Variants in CHAT observed in about 807,000 individuals in gnomAD.
The protein encoded by CHAT is choline O-acetyltransferase, also known as acetyl CoA:choline O-acetyltransferase.
In CHAT, 61 loss-of-function variants were observed where a neutral mutation model predicts 76.9. That is an observed-to-expected ratio of 0.79 (90% CI 0.65 to 0.98). CHAT has a LOEUF of 0.98. Among genes scored for constraint, CHAT ranks in the 50% least tolerant of loss-of-function variants. The pLI is 0.00. For missense variants in CHAT, 946 were observed against 986.9 expected (o/e 0.96, Z 0.56); for synonymous variants, 407 against 397.4 (o/e 1.02, Z -0.29).
At position 49,646,422 on chromosome 10, in the gene CHAT, G is replaced by T. The variant is rs7912483; in HGVS notation, c.1112-83G>T. The T allele has an allele frequency of 7.4e-3, 11,352 of 1,540,106 alleles. 539 individuals carry two copies. The African/African-American group carries it at 0.12, about 16-fold the overall frequency. On this transcript the variant is annotated intron_variant, in intron 7 of 14. Transcript: ENST00000337653. ...TGTTGTGATCCCAGAAGACAGGGCT[G>T]CCCTGCCCTGTGTGGGGCTCTGAGG...
At chr10:49,614,735 TCTG>T (rs940601084) in intron 1 of CHAT, among the ~76,000 whole-genome samples, 5 of 152,208 alleles carry the variant, frequency 3.3e-5, no homozygotes, top group African/African-American at 1.2e-4. Context: ...TGGCCCAGCA[TCTG>T]CTAAGTGACC....
chr10:49,646,492 G>A lies in CHAT; in HGVS notation c.1112-13G>A. On this transcript the variant is annotated splice_polypyrimidine_tract_variant and intron_variant, in intron 7 of 14. Coordinates refer to ENST00000337653, the MANE Select transcript of CHAT (RefSeq NM_020549.5). Reference sequence around the variant, plus strand: ...CGGGACAGGTGCTAGGGCTGTGCCTGCCTCCCCTGCAGACTCCACCAACCG... The same window carrying A: ...CGGGACAGGTGCTAGGGCTGTGCCTACCTCCCCTGCAGACTCCACCAACCG... 2 of 1,614,046 alleles carry A rather than the reference G, an allele frequency of 1.2e-6. No homozygotes were observed. Among genetic ancestry groups the A allele is most frequent in the Non-Finnish European group, 1.7e-6 (2 of 1,180,012 alleles).
chr10:49,614,597 A>G (rs1456404064), intron 1 of CHAT, 122 bp downstream of exon 1: 3 of 872,660 alleles, frequency 3.4e-6, no homozygotes, highest in Non-Finnish European at 5.2e-6. Flanking sequence ...GAGTCCTCTG[A>G]GTCCTGCGCA....
At chr10:49,627,918 C>CT in intron 7 of CHAT, 133 bp downstream of exon 7, 1 of 1,058,224 alleles carries the variant, frequency 9.4e-7, no homozygotes, top group Non-Finnish European at 1.4e-6. Context: ...ACAGCATGCC[C>CT]TGCGGCCAGC....
intron 10 of CHAT, among the ~76,000 whole-genome samples, chr10:49,651,312 C>A (rs951764343): frequency 4.6e-5 from 7 of 151,656 alleles, no homozygotes; most frequent in African/African-American, 1.7e-4. Context: ...CAAGGAGAGG[C>A]AGGCAGGGAG....
upstream of CHAT, among the ~76,000 whole-genome samples, chr10:49,613,639 G>T (rs1487095225): frequency 6.6e-6 from 1 of 152,098 alleles, no homozygotes; most frequent in African/African-American, 2.4e-5. Flanking sequence ...GTCTGCCTTT[G>T]TCGGTCTGTC....
intron 6 of CHAT, among the ~76,000 whole-genome samples, chr10:49,626,824 G>T (rs964222907): frequency 6.6e-6 from 1 of 152,182 alleles, no homozygotes; most frequent in Non-Finnish European, 1.5e-5. Flanking sequence ...AAAGCCCAAG[G>T]CTCTAGCCTT....
At chr10:49,622,988 A>G (rs1269319203) in intron 5 of CHAT, among the ~76,000 whole-genome samples, 1 of 152,078 alleles carries the variant, frequency 6.6e-6, no homozygotes, top group Non-Finnish European at 1.5e-5. Flanking sequence ...CCCTCTGGAG[A>G]GGGGCAGGCA....
chr10:49,653,513 C>G (rs547712180), intron 11 of CHAT, among the ~76,000 whole-genome samples: 67 of 152,326 alleles, frequency 4.4e-4, no homozygotes, highest in Non-Finnish European at 8.8e-4. Context: ...AATGAACAGG[C>G]AGCACCCGTG....
chr10:49,612,166 A>G, upstream of CHAT: 1 of 1,610,584 alleles, frequency 6.2e-7, no homozygotes, highest in Non-Finnish European at 8.5e-7. Flanking sequence ...GGGCCTCCTG[A>G]CGCGCTCCCG....
intron 10 of CHAT, among the ~76,000 whole-genome samples, chr10:49,650,613 G>A (rs1839846123): frequency 6.6e-6 from 1 of 152,150 alleles, no homozygotes; most frequent in Admixed American, 6.5e-5. Context: ...AAAGGAAGTT[G>A]GGCCACACTG....
chr10:49,651,747 C>T lies in CHAT; in HGVS notation c.1512-137C>T, dbSNP rs556725323. The T allele has an allele frequency of 6.0e-6, 5 of 835,820 alleles. No individual in the cohort carries two copies. In the East Asian group the frequency reaches 1.1e-4, roughly 18 times the overall value. The allele number at this position is 835,820 out of a possible 1,614,324, so 51.8% of individuals were successfully genotyped here. On this transcript the variant is annotated intron_variant, in intron 10 of 14. Transcript: ENST00000337653. The stretch of plus-strand genomic sequence containing the variant: ...GGCATGTCTCTGACACCTCAGTGCA[C>T]TCCTGAAGGGCAGGGACTACGTCCG...
chr10:49,616,083 A>C (rs749614248), intron 1 of CHAT: 1 of 1,613,582 alleles, frequency 6.2e-7, no homozygotes, highest in Non-Finnish European at 8.5e-7. Context: ...TGAAGCACTG[A>C]GCACAGTAGG....
intron 8 of CHAT, chr10:49,646,990 T>TCTA: frequency 2.2e-6 from 1 of 448,634 alleles, no homozygotes; most frequent in Non-Finnish European, 4.2e-6. Context: ...CCATTTCCCA[T>TCTA]CACCCATCAC....
intron 5 of CHAT, among the ~76,000 whole-genome samples, chr10:49,622,579 T>C (rs1838769184): frequency 1.3e-5 from 2 of 152,172 alleles, no homozygotes; most frequent in Non-Finnish European, 2.9e-5. Context: ...ATGAGGCTGT[T>C]CTGACAGATG....
At chr10:49,645,533 G>C (rs1331302118) in intron 7 of CHAT, among the ~76,000 whole-genome samples, 2 of 152,198 alleles carry the variant, frequency 1.3e-5, no homozygotes, top group African/African-American at 4.8e-5. Flanking sequence ...GGAAGAAATG[G>C]GAACACGCAG....
chr10:49,623,517 C>T (rs1408387281), intron 5 of CHAT, among the ~76,000 whole-genome samples: 1 of 152,158 alleles, frequency 6.6e-6, no homozygotes, highest in African/African-American at 2.4e-5. Context: ...CTCATCCTCC[C>T]CTCAAAATGT....
rs747996335 is a variant in CHAT, at chr10:49,619,894, G to C, written c.557G>C (p.Arg186Pro). The C allele has an allele frequency of 1.7e-5, 27 of 1,612,316 alleles. No individual in the cohort carries two copies. Among genetic ancestry groups the C allele is most frequent in the African/African-American group, 1.3e-5 (1 of 74,868 alleles). ...GETLQQKLLE[R>P]QEKTANWVSE... is the part of the protein sequence containing the mutation. ...ACCCTGCAGCAGAAACTCCTGGAGC[G>C]GCAGGAGAAGACAGCCAACTGGGTA... Residue 186 changes from arginine to proline, a missense_variant, in exon 3 of 15, where the codon CGG becomes CCG. Arg to Pro is a moderately radical substitution (Grantham distance 103, BLOSUM62 -2). This residue lies in a region of CHAT where 548 missense variants were observed against 516.2 expected (regional missense o/e 1.06). Coordinates refer to ENST00000337653, the MANE Select transcript of CHAT (RefSeq NM_020549.5).
In CHAT at chr10:49,614,511, G is replaced by A. The variant is rs1328769990; in HGVS notation, c.286+36G>A. ...GGGCTGGGCTGGGCTGGCGGAGCGC[G>A]GTGCCGGGAGCAAGGGCGGCGGTCG... On this transcript the variant is annotated intron_variant, in intron 1 of 14. Transcript: ENST00000337653. The A allele has an allele frequency of 7.8e-6, 12 of 1,530,312 alleles. No individual in the cohort carries two copies. In the East Asian group the frequency reaches 2.2e-4, roughly 28 times the overall value. 94.8% of individuals were successfully genotyped at this position (1,530,312 alleles called of 1,614,324 possible).
Sources: gnomAD v4.1 joint callset for allele counts (sites outside exome capture counted in the v4.1 genomes callset) on GRCh38, gnomAD v4.1.1 for gene constraint, gnomAD v4.1.1 regional missense constraint, MANE v1.5 for transcripts, NCBI Gene and HGNC (gene_info 2026-07-23, HGNC 2026-07-21) for gene names.